Variants in ZBTB33 observed in about 807,000 individuals in gnomAD.
ZBTB33 encodes transcriptional regulator Kaiso.
A neutral mutation model predicts 25.9 loss-of-function variants in ZBTB33; 11 were observed. The observed-to-expected ratio is 0.42, with a 90% CI of 0.27 to 0.70. The LOEUF (loss-of-function observed/expected upper bound fraction) is 0.70, where lower values mean the gene tolerates loss of function less well. Ranked by LOEUF, ZBTB33 falls within the 30% of genes least tolerant of loss-of-function variation. The pLI is 0.23. For missense variants in ZBTB33, 343 were observed against 501.1 expected (o/e 0.68, Z 3.01); for synonymous variants, 157 against 184.8 (o/e 0.85, Z 1.22).
At position 120,253,813 on chromosome X, in the gene ZBTB33, G is replaced by A. The variant is rs2057615719; in HGVS notation, c.398G>A (p.Gly133Asp). ...AGCATCTCAGGTACAGCGCAGGATG[G>A]TAATACTGAGCCTTTACCTCCTGAT... is the stretch of plus-strand genomic sequence containing the variant. Reference protein sequence around the residue: ...VKSISGTAQDGNTEPLPPDSG... With the variant: ...VKSISGTAQDDNTEPLPPDSG... Residue 133 changes from glycine (G) to aspartate (D), a missense_variant, in exon 3 of 3, where the codon GGT becomes GAT. Physicochemically the swap from Gly to Asp is moderately conservative, Grantham distance 94. Around this residue, in one of 2 missense-constraint regions of ZBTB33, gnomAD observed 304 missense variants for 410.0 expected, o/e 0.74. Coordinates refer to ENST00000557385, the MANE Select transcript of ZBTB33 (RefSeq NM_001184742.2). The A allele has an allele frequency of 8.3e-7, 1 of 1,209,333 alleles. No individual in the cohort carries two copies. The highest frequency in any genetic ancestry group is 2.2e-5 in the Admixed American group (1 of 45,657).
rs781978909 is a variant in ZBTB33, at chrX:120,255,394, G to A, written c.1979G>A (p.Gly660Asp). 37 of 1,207,694 alleles carry A rather than the reference G, an allele frequency of 3.1e-5. No homozygotes were observed. The highest frequency in any genetic ancestry group is 2.8e-4 in the Admixed American group (13 of 45,677). ...DSIFKQNVTD[G>D]STEFEFIIPE... ...ATTTTTAAACAAAATGTAACAGATG[G>A]CAGTACTGAGTTTGAATTTATAATA... is the stretch of plus-strand genomic sequence containing the variant. Residue 660 changes from glycine to aspartate, a missense_variant, in exon 3 of 3, where the codon GGC (glycine) becomes GAC (aspartate). Around this residue, in one of 2 missense-constraint regions of ZBTB33, gnomAD observed 304 missense variants for 410.0 expected, o/e 0.74. Transcript: ENST00000557385.
In ZBTB33 at chrX:120,253,819, C is replaced by T; in HGVS notation, c.404C>T (p.Thr135Ile). ...SISGTAQDGNTEPLPPDSGDK... is the reference protein window; with the variant it reads ...SISGTAQDGNIEPLPPDSGDK... ...TCAGGTACAGCGCAGGATGGTAATA[C>T]TGAGCCTTTACCTCCTGATTCTGGT... The change falls in exon 3 of 3, where the codon ACT becomes ATT. Residue 135 changes from threonine to isoleucine, a missense_variant. This residue lies in a region of ZBTB33 where 304 missense variants were observed against 410.0 expected (regional missense o/e 0.74). Coordinates refer to ENST00000557385, the MANE Select transcript of ZBTB33 (RefSeq NM_001184742.2). 2 of 1,211,454 alleles carry T rather than the reference C, an allele frequency of 1.7e-6. No homozygotes were observed. The highest frequency in any genetic ancestry group is 2.2e-6 in the Non-Finnish European group (2 of 895,431).
rs1556015404 is a variant in ZBTB33 at position 120,256,179 on chromosome X, A to G, written c.*745A>G. On this transcript the variant is annotated 3_prime_UTR_variant, in exon 3 of 3. Coordinates refer to ENST00000557385, the MANE Select transcript of ZBTB33 (RefSeq NM_001184742.2). ...CTGTAATGGCAGATAGGAGGAGATG[A>G]AAAGTTCTGTTGCATGGATTTTTAA... The G allele has an allele frequency of 8.1e-6, 1 of 123,411 alleles. No homozygotes were observed. The highest frequency in any genetic ancestry group is 3.2e-5 in the African/African-American group (1 of 30,848). 10.2% of individuals were successfully genotyped at this position (123,411 alleles called of 1,213,427 possible).
chrX:120,255,438 C>G lies in ZBTB33; in HGVS notation c.*4C>G, dbSNP rs782218082. Reference sequence around the variant, plus strand: ...TATAATACCAGAGTCTTACTAAACTCCTTTGAAATACTAGAAAGTTTTGTT... The same window carrying G: ...TATAATACCAGAGTCTTACTAAACTGCTTTGAAATACTAGAAAGTTTTGTT... On this transcript the variant is annotated 3_prime_UTR_variant, in exon 3 of 3. Transcript: ENST00000557385. The G allele has an allele frequency of 4.3e-6, 5 of 1,171,443 alleles. No individual in the cohort carries two copies. Among genetic ancestry groups the G allele is most frequent in the South Asian group, 1.9e-5 (1 of 51,737 alleles).
Position 120,253,410 on chromosome X carries a change from A to C in ZBTB33, c.-2-4A>C. On this transcript the variant is annotated splice_polypyrimidine_tract_variant and splice_region_variant and intron_variant, in intron 2 of 2. Coordinates refer to ENST00000557385, the MANE Select transcript of ZBTB33 (RefSeq NM_001184742.2). The stretch of plus-strand genomic sequence containing the variant: ...TCCCATCCCCTCCTCTCTTTCTCTT[A>C]AAGGCATGGAGAGTAGAAAACTGAT... The C allele has an allele frequency of 8.4e-7, 1 of 1,195,531 alleles. No homozygotes were observed. The highest frequency in any genetic ancestry group is 1.1e-6 in the Non-Finnish European group (1 of 886,001).
At position 120,253,544 on chromosome X, in the gene ZBTB33, C is replaced by T. The variant is rs1288001777; in HGVS notation, c.129C>T (p.Phe43=). 7.4e-6 allele frequency: 9 copies of T among 1,210,357 alleles called. No individual in the cohort carries two copies. The African/African-American group carries it at 8.7e-5, about 12-fold the overall frequency. ...CCGTTATTGTGGAAGACCGAAAATT[C>T]CGGGCTCACAAGAATATTCTTTCAG... The part of the protein sequence containing the change: ...DVTVIVEDRK[F]RAHKNILSAS... Residue 43 remains phenylalanine, a synonymous_variant, in exon 3 of 3, where the codon TTC becomes TTT. Coordinates refer to ENST00000557385, the MANE Select transcript of ZBTB33 (RefSeq NM_001184742.2).
At position 120,254,409 on chromosome X, in the gene ZBTB33, G is replaced by C. The variant is rs891099629; in HGVS notation, c.994G>C (p.Glu332Gln). The C allele has an allele frequency of 8.3e-7, 1 of 1,211,288 alleles. No individual in the cohort carries two copies. Among genetic ancestry groups the C allele is most frequent in the Non-Finnish European group, 1.1e-6 (1 of 895,436 alleles). The change falls in exon 3 of 3, where the codon GAG becomes CAG. Residue 332 changes from glutamate to glutamine, a missense_variant. By Grantham distance (29) the Glu-to-Gln change is conservative. This residue lies in a region of ZBTB33 where 304 missense variants were observed against 410.0 expected (regional missense o/e 0.74). Transcript: ENST00000557385. ...AAACAAGGCCAATGAAGAGGAGGAG[G>C]AGGAAATAATAGATGATGATGATGA... ...TGNKANEEEE[E>Q]EIIDDDDDTI... is the part of the protein sequence containing the mutation.
At chrX:120,251,405 C>A (rs781927004) in intron 1 of ZBTB33, among the ~76,000 whole-genome samples, 7 of 110,794 alleles carry the variant, frequency 6.3e-5, no homozygotes, top group Admixed American at 5.7e-4. Context: ...TCATCCCCCC[C>A]CCAACACCCC....
In ZBTB33 at chrX:120,256,960, T is replaced by C. The variant is rs2057642260; in HGVS notation, c.*1526T>C. Reference sequence around the variant, plus strand: ...TTTCTTGACTTTGAACTTAAAGCTTTAATCATAATTTCTCATGTATACATC... The same window carrying C: ...TTTCTTGACTTTGAACTTAAAGCTTCAATCATAATTTCTCATGTATACATC... On this transcript the variant is annotated 3_prime_UTR_variant, in exon 3 of 3. Coordinates refer to ENST00000557385, the MANE Select transcript of ZBTB33 (RefSeq NM_001184742.2). 8.1e-6 allele frequency: 1 copy of C among 123,005 alleles called. No homozygotes were observed. Among genetic ancestry groups the C allele is most frequent in the African/African-American group, 3.3e-5 (1 of 30,759 alleles). The allele number at this position is 123,005 out of a possible 1,213,427, so 10.1% of individuals were successfully genotyped here.
rs2057620200 is a variant in ZBTB33 at position 120,254,170 on chromosome X, C to T, written c.755C>T (p.Pro252Leu). 1.7e-6 allele frequency: 2 copies of T among 1,211,815 alleles called. No homozygotes were observed. The highest frequency in any genetic ancestry group is 2.2e-6 in the Non-Finnish European group (2 of 895,488). ...ACACCTACTCAGAAACTTCCTACTC[C>T]TGTGAATCAGGCAACTTTGAGCCAA... ...NITPTQKLPT[P>L]VNQATLSQTQ... The change falls in exon 3 of 3, where the codon CCT becomes CTT. Residue 252 changes from proline to leucine, a missense_variant. Physicochemically the swap from Pro to Leu is moderately conservative, Grantham distance 98 (BLOSUM62 -3). Transcript: ENST00000557385.
At position 120,254,834 on chromosome X, in the gene ZBTB33, C is replaced by G. The variant is rs782372203; in HGVS notation, c.1419C>G (p.Asn473Lys). Residue 473 changes from asparagine (N) to lysine (K), a missense_variant, in exon 3 of 3, where the codon AAC (asparagine) becomes AAG (lysine). Around this residue, in one of 2 missense-constraint regions of ZBTB33, gnomAD observed 304 missense variants for 410.0 expected, o/e 0.74. Transcript: ENST00000557385. ...AAACGTCTGGCAGCGAGATGGCAAACAAACGTATGAAAGTAAAACATGATG... is the reference window on the plus strand; with the variant it reads ...AAACGTCTGGCAGCGAGATGGCAAAGAAACGTATGAAAGTAAAACATGATG... ...IPKTSGSEMA[N>K]KRMKVKHDDH... 16 of 1,211,737 alleles carry G rather than the reference C, an allele frequency of 1.3e-5. No homozygotes were observed. Among genetic ancestry groups the G allele is most frequent in the Middle Eastern group, 2.3e-4 (1 of 4,356 alleles).
At chrX:120,251,531 G>A (rs1454228407) in intron 1 of ZBTB33, among the ~76,000 whole-genome samples, 2 of 111,330 alleles carry the variant, frequency 1.8e-5, no homozygotes, top group Admixed American at 9.5e-5. Context: ...CGTGAATTGG[G>A]GTTAAAAACC....
rs1341577228 is a variant in ZBTB33 at position 120,257,653 on chromosome X, T to TA, written c.*2219_*2220insA. On this transcript the variant is annotated 3_prime_UTR_variant, in exon 3 of 3. Coordinates refer to ENST00000557385, the MANE Select transcript of ZBTB33 (RefSeq NM_001184742.2). Reference sequence around the variant, plus strand: ...AGAGAAACTGGAAAATTAAATTGTATTTTTGCCAGAAGACTCTTACTTGCA... The same window carrying TA: ...AGAGAAACTGGAAAATTAAATTGTATATTTTGCCAGAAGACTCTTACTTGCA... 1 of 123,299 alleles carries TA rather than the reference T, an allele frequency of 8.1e-6. No individual in the cohort carries two copies. Among genetic ancestry groups the TA allele is most frequent in the Non-Finnish European group, 1.9e-5 (1 of 53,103 alleles). The allele number at this position is 123,299 out of a possible 1,213,427, so 10.2% of individuals were successfully genotyped here.
At position 120,253,990 on chromosome X, in the gene ZBTB33, A is replaced by ATGT. The variant is rs2057617781; in HGVS notation, c.577_578insTTG (p.Asp192_Asp193insVal). ...ATTGTTACCGATTCTGATGATGATG[A>ATGT]TGATGATGTCATTTTTTGCTCCGAG... is the stretch of plus-strand genomic sequence containing the variant. On this transcript the variant is annotated inframe_insertion, in exon 3 of 3. Transcript: ENST00000557385. 8.3e-7 allele frequency: 1 copy of ATGT among 1,209,250 alleles called. No individual in the cohort carries two copies. Among genetic ancestry groups the ATGT allele is most frequent in the South Asian group, 1.8e-5 (1 of 56,663 alleles).
intron 1 of ZBTB33, among the ~76,000 whole-genome samples, chrX:120,252,058 T>C (rs1439192667): frequency 1.8e-5 from 2 of 112,523 alleles, no homozygotes; most frequent in Non-Finnish European, 1.9e-5. Context: ...CTGGAATTCC[T>C]TGGTACTGTT....
chrX:120,251,564 A>T (rs1161831028), intron 1 of ZBTB33, among the ~76,000 whole-genome samples: 1 of 111,668 alleles, frequency 9.0e-6, no homozygotes, highest in African/African-American at 3.3e-5. Flanking sequence ...GGCAGGGTCC[A>T]TATGGGGAAG....
At chrX:120,251,428 GCCA>G (rs2057599517) in intron 1 of ZBTB33, among the ~76,000 whole-genome samples, 1 of 106,847 alleles carries the variant, frequency 9.4e-6, no homozygotes, top group Non-Finnish European at 1.9e-5. Flanking sequence ...CCTGCCGTTC[GCCA>G]CCTTCTACTT....
At position 120,254,836 on chromosome X, in the gene ZBTB33, A is replaced by T; in HGVS notation, c.1421A>T (p.Lys474Ile). The change falls in exon 3 of 3, where the codon AAA becomes ATA. Residue 474 changes from lysine to isoleucine, a missense_variant. Around this residue, in one of 2 missense-constraint regions of ZBTB33, gnomAD observed 304 missense variants for 410.0 expected, o/e 0.74. Transcript: ENST00000557385. ...ACGTCTGGCAGCGAGATGGCAAACA[A>T]ACGTATGAAAGTAAAACATGATGAT... ...PKTSGSEMAN[K>I]RMKVKHDDHY... 8.3e-7 allele frequency: 1 copy of T among 1,212,098 alleles called. No individual in the cohort carries two copies. The highest frequency in any genetic ancestry group is 1.1e-6 in the Non-Finnish European group (1 of 895,575).
rs1326845708 is a variant in ZBTB33, at chrX:120,258,312, T to A, written c.*2878T>A. The A allele has an allele frequency of 8.1e-6, 1 of 123,748 alleles. No homozygotes were observed. The allele number at this position is 123,748 out of a possible 1,213,427, so 10.2% of individuals were successfully genotyped here. ...CACACTTGTACAATCTTCCCTGTCA[T>A]GACTTTAAGTTCTACTTTTCATTAA... On this transcript the variant is annotated 3_prime_UTR_variant, in exon 3 of 3. Coordinates refer to ENST00000557385, the MANE Select transcript of ZBTB33 (RefSeq NM_001184742.2).
Sources: gnomAD v4.1 joint callset for allele counts (sites outside exome capture counted in the v4.1 genomes callset) on GRCh38, gnomAD v4.1.1 for gene constraint, gnomAD v4.1.1 regional missense constraint, MANE v1.5 for transcripts, NCBI Gene and HGNC (gene_info 2026-07-23, HGNC 2026-07-21) for gene names.